Variants in RNF213 observed in about 807,000 individuals in gnomAD.
RNF213 encodes ring finger protein 213.
Under a neutral mutation model 514.4 loss-of-function variants are expected in RNF213, and 341 were observed. The observed-to-expected ratio is 0.66, with a 90% confidence interval of 0.61 to 0.73. The LOEUF (loss-of-function observed/expected upper bound fraction) is 0.73. RNF213 is among the 30% of genes least tolerant of loss of function. The pLI, the probability that RNF213 is intolerant of heterozygous loss-of-function variation, is 0.00. For synonymous variants in RNF213, 2,655 were observed against 2,658.2 expected (o/e 1.00, Z 0.04); for missense variants, 5,767 against 6,615.6 (o/e 0.87, Z 4.45).
chr17:80,273,158 C>T lies in RNF213; in HGVS notation c.98-83C>T, dbSNP rs770232403. The T allele has an allele frequency of 9.6e-5, 148 of 1,546,058 alleles. 1 individual carries two copies. Among genetic ancestry groups the T allele is most frequent in the Non-Finnish European group, 1.2e-4 (136 of 1,121,390 alleles). On this transcript the variant is annotated intron_variant, in intron 2 of 67. Coordinates refer to ENST00000582970, the MANE Select transcript of RNF213 (RefSeq NM_001256071.3). ...GGAGAACAGGGTGAATCTCTCCATG[C>T]ACTCGTGGGGAGGATTTCTGTTTTT...
At chr17:80,338,648 TAA>T (rs35242451) in intron 25 of RNF213, among the ~76,000 whole-genome samples, 1 of 147,484 alleles carries the variant, frequency 6.8e-6, no homozygotes. Flanking sequence ...TTTTCCCAAT[TAA>T]AAAAAAAAGA....
At chr17:80,372,820 A>T in intron 48 of RNF213, 86 bp downstream of exon 48, 6 of 1,427,116 alleles carry the variant, frequency 4.2e-6, no homozygotes, top group Non-Finnish European at 5.8e-6. Flanking sequence ...AGTTCTTCGA[A>T]TAGACTACTA....
intron 46 of RNF213, 127 bp downstream of exon 46, chr17:80,369,994 A>G: frequency 2.7e-6 from 2 of 743,978 alleles, no homozygotes; most frequent in Admixed American, 1.9e-5. Context: ...TTTTTCGGTG[A>G]GACACAGCCT....
chr17:80,299,353 T>G (rs1465842020), intron 11 of RNF213, among the ~76,000 whole-genome samples: 1 of 152,180 alleles, frequency 6.6e-6, no homozygotes, highest in African/African-American at 2.4e-5. Context: ...TCCCATAACT[T>G]CATTGAGATA....
intron 64 of RNF213, 152 bp downstream of exon 64, chr17:80,388,841 A>T: frequency 1.4e-6 from 1 of 721,042 alleles, no homozygotes; most frequent in Admixed American, 2.1e-5. Context: ...CAAGACAGCA[A>T]ATCAGCAAGT....
rs1321147123 is a variant in RNF213 at position 80,345,103 on chromosome 17, C to G, written c.6768C>G (p.Ile2256Met). 1.9e-6 allele frequency: 3 copies of G among 1,614,134 alleles called. No individual in the cohort carries two copies. The highest frequency in any genetic ancestry group is 2.7e-5 in the African/African-American group (2 of 75,022). The change falls in exon 29 of 68, where the codon ATC (isoleucine) becomes ATG (methionine). Residue 2256 changes from isoleucine (I) to methionine (M), a missense_variant. Coordinates refer to ENST00000582970, the MANE Select transcript of RNF213 (RefSeq NM_001256071.3). This position sits in a 1 kb window ranked among gnomAD's most constrained non-coding sequence, Gnocchi z 6.0. The stretch of plus-strand genomic sequence containing the variant: ...AGAAGTTCGTGGTGACCTTCATGAT[C>G]TTTATGGCAAGAGATTTTGCCACAC... ...GFKKFVVTFM[I>M]FMARDFATPS...
chr17:80,351,971 C>T (rs1033008346), intron 32 of RNF213, 168 bp downstream of exon 32: 1 of 500,960 alleles, frequency 2.0e-6, no homozygotes, highest in Non-Finnish European at 3.7e-6. Flanking sequence ...TCTCCTGCCT[C>T]AGCCTCCCAA....
At chr17:80,274,969 G>GGT (rs143174393) in intron 3 of RNF213, among the ~76,000 whole-genome samples, 17,305 of 55,302 alleles carry the variant, frequency 0.31, 4,656 homozygotes, top group African/African-American at 0.44. Context: ...TGTGTGTTGG[G>GGT]GTGTGTGTGT....
chr17:80,336,904 AAAAAG>A (rs533775518), intron 23 of RNF213: 11 of 198,356 alleles, frequency 5.5e-5, no homozygotes, highest in East Asian at 1.4e-4. Context: ...CTGTCTCAAA[AAAAAG>A]AAAAGAAAAG....
Position 80,288,748 on chromosome 17 carries a change from A to G in RNF213, c.926A>G (p.His309Arg). 2 of 1,614,030 alleles carry G rather than the reference A, an allele frequency of 1.2e-6. No individual in the cohort carries two copies. Among genetic ancestry groups the G allele is most frequent in the African/African-American group, 1.3e-5 (1 of 75,006 alleles). The change falls in exon 5 of 68, where the codon CAC becomes CGC. Residue 309 changes from histidine to arginine, a missense_variant. Coordinates refer to ENST00000582970, the MANE Select transcript of RNF213 (RefSeq NM_001256071.3). This position sits in a 1 kb window ranked among gnomAD's most constrained non-coding sequence, Gnocchi z 4.9. The part of the protein sequence containing the change: ...PPATTPPFKT[H>R]CQEAETKTKD... ...GCAACCACTCCTCCTTTCAAAACAC[A>G]CTGCCAGGTGCGTCTCCTTCCTGCC...
Position 80,339,613 on chromosome 17 carries a change from G to A in RNF213, c.5246G>A (p.Gly1749Glu). The change falls in exon 26 of 68, where the codon GGG becomes GAG. Residue 1749 changes from glycine to glutamate, a missense_variant. Gly to Glu is a moderately conservative substitution (Grantham distance 98). This residue lies in a region of RNF213 where 1,377 missense variants were observed against 1,635.2 expected (regional missense o/e 0.84). Transcript: ENST00000582970. Reference protein sequence around the residue: ...RDVLRASVGCGSEAARYRMRR... With the variant: ...RDVLRASVGCESEAARYRMRR... ...GTCTTAAGGGCCTCTGTGGGGTGTG[G>A]GAGTGAGGCCGCCAGGTACCGCATG... is the stretch of plus-strand genomic sequence containing the variant. 1 of 1,537,194 alleles carries A rather than the reference G, an allele frequency of 6.5e-7. No homozygotes were observed. Among genetic ancestry groups the A allele is most frequent in the Non-Finnish European group, 8.7e-7 (1 of 1,146,904 alleles).
At position 80,381,545 on chromosome 17, in the gene RNF213, A is replaced by C. The variant is rs1243987835; in HGVS notation, c.13798-2A>C. On this transcript the variant is annotated splice_acceptor_variant, in intron 56 of 67. Coordinates refer to ENST00000582970, the MANE Select transcript of RNF213 (RefSeq NM_001256071.3). LOFTEE classifies it high-confidence loss of function. Reference sequence around the variant, plus strand: ...GAACACTCTGTTCCGTTGCCCCCACAGGCTCTGATAAACATCATTAAGCCT... The same window carrying C: ...GAACACTCTGTTCCGTTGCCCCCACCGGCTCTGATAAACATCATTAAGCCT... 1.2e-6 allele frequency: 2 copies of C among 1,614,086 alleles called. No homozygotes were observed.
rs1417414059 is a variant in RNF213 at position 80,325,173 on chromosome 17, T to C, written c.3168T>C (p.Asp1056=). 1.3e-6 allele frequency: 2 copies of C among 1,535,372 alleles called. No individual in the cohort carries two copies. The highest frequency in any genetic ancestry group is 1.7e-6 in the Non-Finnish European group (2 of 1,145,420). The part of the protein sequence containing the change: ...DILKHLLTLA[D]VKHVFRLCGT... The stretch of plus-strand genomic sequence containing the variant: ...TAAAGCATCTGCTCACGTTGGCAGA[T>C]GTCAAGCACGTCTTCAGATTGTGTG... The change falls in exon 18 of 68, where the codon GAT becomes GAC. Residue 1056 remains aspartate (D), a synonymous_variant. Transcript: ENST00000582970.
At chr17:80,349,631 G>T (rs1220643771) in intron 29 of RNF213, 139 bp from the exon 30 acceptor site, 14 of 1,001,044 alleles carry the variant, frequency 1.4e-5, no homozygotes, top group Admixed American at 1.0e-4. Flanking sequence ...AAACTCCTTT[G>T]GGTTTGGATT....
intron 3 of RNF213, among the ~76,000 whole-genome samples, chr17:80,284,411 G>A (rs1005302554): frequency 6.6e-6 from 1 of 152,012 alleles, no homozygotes. Flanking sequence ...GGGCGTGGTG[G>A]CATGTGCCTG....
At chr17:80,316,730 C>T (rs2045960572) in intron 15 of RNF213, 1 of 266,002 alleles carries the variant, frequency 3.8e-6, no homozygotes. Context: ...ACTTACTTTC[C>T]AACGGTTTGG....
intron 14 of RNF213, 49 bp from the exon 15 acceptor site, chr17:80,312,963 C>G (rs762326844): frequency 1.2e-6 from 2 of 1,611,250 alleles, no homozygotes; most frequent in South Asian, 2.2e-5. Flanking sequence ...CGCCGGGAAC[C>G]TGAGTCCACA....
chr17:80,264,823 A>C lies in RNF213; in HGVS notation c.97+1045A>C, dbSNP rs1314367946. ...TCCTACATAGACGGCTGCCCACCCC[A>C]TTCCTCTTGGCTCCCTCTCCTGTCC... On this transcript the variant is annotated intron_variant, in intron 2 of 67. Transcript: ENST00000582970. The surrounding 1 kb of genome is among the most constrained non-coding windows in gnomAD (Gnocchi z 5.0). 2.0e-5 allele frequency among the ~76,000 whole-genome samples: 3 copies of C among 151,756 alleles called. No homozygotes were observed. The highest frequency in any genetic ancestry group is 4.4e-5 in the Non-Finnish European group (3 of 67,980).
chr17:80,323,675 G>A (rs1237862883), intron 17 of RNF213, among the ~76,000 whole-genome samples: 3 of 152,078 alleles, frequency 2.0e-5, no homozygotes, highest in East Asian at 3.9e-4. Flanking sequence ...GGGTGGTCTC[G>A]AACTCCTGAC....
Sources: allele counts gnomAD v4.1 joint callset (sites outside exome capture counted in the v4.1 genomes callset), GRCh38; gene constraint gnomAD v4.1.1; regional missense constraint gnomAD v4.1.1; non-coding constraint Gnocchi (gnomAD v3.1); transcripts MANE v1.5; gene names NCBI Gene and HGNC (gene_info 2026-07-23, HGNC 2026-07-21).